WNK3: variants seen among roughly 807,000 people sequenced by gnomAD.
The protein encoded by WNK3 is serine/threonine-protein kinase WNK3.
In WNK3, 18 loss-of-function variants were observed where a neutral mutation model predicts 116.7. The ratio of observed to expected loss-of-function variants is 0.15; its 90% CI spans 0.11 to 0.23. The LOEUF is 0.23. WNK3 is among the 10% of genes least tolerant of loss of function. The pLI, the probability that WNK3 is intolerant of heterozygous loss-of-function variation, is 1.00. For synonymous variants in WNK3, 404 were observed against 469.4 expected (o/e 0.86, Z 1.80); for missense variants, 993 against 1,323.8 (o/e 0.75, Z 3.88).
chrX:54,229,943 C>T (rs1231547856), intron 21 of WNK3, among the ~76,000 whole-genome samples: 1 of 111,432 alleles, frequency 9.0e-6, no homozygotes, highest in Non-Finnish European at 1.9e-5. Context: ...AGAGGAAAAT[C>T]TTTGTGACCT....
chrX:54,202,157 T>A (rs782698755), exon 23 of WNK3: 1 of 1,206,540 alleles, frequency 8.3e-7, no homozygotes, highest in South Asian at 1.8e-5. Flanking sequence ...TGGAGACTGT[T>A]GGCATGATGC....
chrX:54,233,452 A>C (rs1221175248), intron 20 of WNK3, among the ~76,000 whole-genome samples: 2 of 95,191 alleles, frequency 2.1e-5, no homozygotes, highest in Admixed American at 1.2e-4. Flanking sequence ...AAAAAAAGAA[A>C]GAAAGAGAGA....
intron 22 of WNK3, among the ~76,000 whole-genome samples, chrX:54,225,620 CAAAAAAAAAAAA>C (rs781823865): frequency 2.0e-5 from 1 of 50,920 alleles, no homozygotes; most frequent in Admixed American, 2.4e-4. Context: ...GACTCTGTTT[CAAAAAAAAAAAA>C]AAAAAGAAAG....
At chrX:54,299,702 G>A (rs1557167100) in intron 6 of WNK3, among the ~76,000 whole-genome samples, 1 of 110,593 alleles carries the variant, frequency 9.0e-6, no homozygotes. Flanking sequence ...CACTGTGCCC[G>A]TCCCTAAGAC....
At chrX:54,193,404 C>G (rs2067417130) in exon 24 of WNK3, 1 of 111,180 alleles carries the variant, frequency 9.0e-6, no homozygotes, top group Admixed American at 9.7e-5. Context: ...TAAAAAAAAA[C>G]TAGAGGATGA....
intron 17 of WNK3, among the ~76,000 whole-genome samples, chrX:54,244,205 A>C (rs1356649572): frequency 1.8e-5 from 2 of 111,965 alleles, no homozygotes; most frequent in Non-Finnish European, 3.8e-5. Context: ...CACTGGATCG[A>C]ACACTGTAAA....
intron 21 of WNK3, among the ~76,000 whole-genome samples, chrX:54,232,113 GTATATA>G (rs781829275): frequency 2.1e-5 from 2 of 95,092 alleles, no homozygotes; most frequent in Non-Finnish European, 4.1e-5. Context: ...GTGTGTGTGT[GTATATA>G]TATATATATA....
Position 54,224,008 on chromosome X carries a change from G to A in WNK3, c.4870+4706C>T, listed in dbSNP as rs1557147106. 6.2e-5 allele frequency: 8 copies of A among 128,763 alleles called. No homozygotes were observed. In the South Asian group the frequency reaches 1.9e-3, roughly 31 times the overall value. 10.6% of individuals were successfully genotyped at this position (128,763 alleles called of 1,213,427 possible). ...ACTGTCACTAGGGAGGCAATATCCT[G>A]GGTCCAAAATCTCTGGCTCTCATTG... On this transcript the variant is annotated intron_variant, in intron 22 of 23. Coordinates refer to ENST00000354646, the Ensembl canonical transcript of WNK3.
At chrX:54,247,231 G>T (rs1222148823) in intron 17 of WNK3, among the ~76,000 whole-genome samples, 1 of 111,213 alleles carries the variant, frequency 9.0e-6, no homozygotes, top group Non-Finnish European at 1.9e-5. Flanking sequence ...CTTGACACTT[G>T]GGAGAGTCTC....
chrX:54,199,143 A>G (rs1232304501), intron 23 of WNK3, among the ~76,000 whole-genome samples: 1 of 110,621 alleles, frequency 9.0e-6, no homozygotes, highest in Non-Finnish European at 1.9e-5. Flanking sequence ...CTCAGAAACA[A>G]ATGCCTAGAA....
intron 21 of WNK3, 96 bp from the exon 22 acceptor site, chrX:54,228,839 A>G: frequency 2.4e-6 from 1 of 414,939 alleles, no homozygotes; most frequent in Non-Finnish European, 4.3e-6. Context: ...AACTTAAATT[A>G]ATAAAGGGCA....
At chrX:54,335,523 A>C (rs2069223335) in intron 1 of WNK3, among the ~76,000 whole-genome samples, 1 of 111,921 alleles carries the variant, frequency 8.9e-6, no homozygotes, top group Admixed American at 9.7e-5. Context: ...TGCAAAGTTA[A>C]GCCTGTATAC....
At chrX:54,322,525 C>A (rs1462358386) in intron 2 of WNK3, among the ~76,000 whole-genome samples, 1 of 111,087 alleles carries the variant, frequency 9.0e-6, no homozygotes, top group Non-Finnish European at 1.9e-5. Flanking sequence ...AAACAGGATC[C>A]GTTTAAGAAA....
At chrX:54,323,686 TTTAAACAAACCTATA>T (rs782741521) in intron 2 of WNK3, among the ~76,000 whole-genome samples, 1 of 111,507 alleles carries the variant, frequency 9.0e-6, no homozygotes, top group East Asian at 2.8e-4. Context: ...TACCATTTCC[TTTAAACAAACCTATA>T]TTAAACAGCC....
chrX:54,276,552 T>C (rs1388957746), intron 10 of WNK3, among the ~76,000 whole-genome samples: 2 of 110,847 alleles, frequency 1.8e-5, no homozygotes, highest in East Asian at 5.6e-4. Context: ...AAACAATGTA[T>C]GCAAAGAATC....
intron 3 of WNK3, 68 bp from the exon 4 acceptor site, chrX:54,309,383 G>A (rs1448942371): frequency 3.6e-6 from 3 of 832,961 alleles, no homozygotes; most frequent in Admixed American, 2.8e-5. Flanking sequence ...CACTATTAAG[G>A]TAAGTTACAT....
chrX:54,222,912 A>AT (rs1491239216), intron 22 of WNK3, among the ~76,000 whole-genome samples: 2 of 85,152 alleles, frequency 2.3e-5, no homozygotes, highest in African/African-American at 5.2e-5. Context: ...TAATAATAAT[A>AT]ATAATATATA....
At chrX:54,328,617 AAGG>A (rs1727401296) in intron 2 of WNK3, among the ~76,000 whole-genome samples, 2 of 111,767 alleles carry the variant, frequency 1.8e-5, no homozygotes, top group African/African-American at 3.2e-5. Flanking sequence ...AAAAAAAAAA[AAGG>A]AGAAGACGAA....
chrX:54,231,928 A>T (rs1557148998), intron 21 of WNK3, among the ~76,000 whole-genome samples: 2 of 110,851 alleles, frequency 1.8e-5, no homozygotes. Context: ...TTAGTTAAGT[A>T]GAGATTGATG....
Sources: gnomAD v4.1 joint callset for allele counts (sites outside exome capture counted in the v4.1 genomes callset) on GRCh38, gnomAD v4.1.1 for gene constraint, MANE v1.5 for transcripts, NCBI Gene and HGNC (gene_info 2026-07-23, HGNC 2026-07-21) for gene names.